CLYBL: variants seen among roughly 807,000 people sequenced by gnomAD.
CLYBL encodes the protein citramalyl-CoA lyase, also known as citramalyl-CoA lyase, mitochondrial.
In CLYBL, 31 loss-of-function variants were observed where a neutral mutation model predicts 38.9. The observed-to-expected ratio is 0.80, with a 90% CI of 0.60 to 1.08. The LOEUF (loss-of-function observed/expected upper bound fraction) is 1.08, where lower values mean the gene tolerates loss of function less well. Ranked by LOEUF, CLYBL falls within the 50% of genes least tolerant of loss-of-function variation. The probability of loss-of-function intolerance (pLI) is 0.00; values close to 1 mark genes in which losing one functional copy is unlikely to be tolerated. For synonymous variants in CLYBL, 171 were observed against 158.6 expected, an observed-to-expected ratio of 1.08 and a Z score of -0.59; for missense variants, 434 against 411.6, an observed-to-expected ratio of 1.05 and a Z score of -0.47.
At chr13:99,759,435 A>G (rs2049125554) in intron 1 of CLYBL, among the ~76,000 whole-genome samples, 1 of 152,166 alleles carries the variant, frequency 6.6e-6, no homozygotes, top group African/African-American at 2.4e-5. Context: ...TTCCACAAGA[A>G]GAACAGGGAC....
intron 1 of CLYBL, among the ~76,000 whole-genome samples, chr13:99,749,432 A>G (rs557861479): frequency 8.5e-5 from 13 of 152,254 alleles, no homozygotes; most frequent in African/African-American, 2.4e-4. Flanking sequence ...AGGGTAGACC[A>G]GGAGGGCCGT....
At chr13:99,787,701 A>T (rs1263320953) in intron 2 of CLYBL, among the ~76,000 whole-genome samples, 1 of 152,158 alleles carries the variant, frequency 6.6e-6, no homozygotes, top group Non-Finnish European at 1.5e-5. Context: ...TTGGTTCCAT[A>T]TGAACTTTAA....
At chr13:99,907,013 T>C (rs916901722) in intron 9 of CLYBL, among the ~76,000 whole-genome samples, 2 of 152,254 alleles carry the variant, frequency 1.3e-5, no homozygotes, top group Non-Finnish European at 2.9e-5. Context: ...TACTACTTTA[T>C]TCACAGTTGC....
chr13:99,836,201 T>C (rs2050930366), intron 2 of CLYBL, among the ~76,000 whole-genome samples: 2 of 151,948 alleles, frequency 1.3e-5, no homozygotes, highest in South Asian at 2.1e-4. Flanking sequence ...AGTCAGACAG[T>C]GTGGACTCTG....
intron 1 of CLYBL, among the ~76,000 whole-genome samples, chr13:99,765,844 C>T (rs956072891): frequency 3.7e-4 from 54 of 146,930 alleles, no homozygotes; most frequent in Non-Finnish European, 6.0e-4. Context: ...TGCACCAAGT[C>T]GAGTCTTTTT....
intron 1 of CLYBL, among the ~76,000 whole-genome samples, chr13:99,640,503 T>G (rs2139265345): frequency 6.6e-6 from 1 of 152,374 alleles, no homozygotes; most frequent in Non-Finnish European, 1.5e-5. Context: ...ATGTGGTTTT[T>G]CCCTGTAGTG....
intron 2 of CLYBL, among the ~76,000 whole-genome samples, chr13:99,842,836 G>A (rs1054763129): frequency 1.3e-5 from 2 of 152,140 alleles, no homozygotes; most frequent in African/African-American, 2.4e-5. Flanking sequence ...GAGCCCAGGA[G>A]TTTGAGGCAG....
At chr13:99,769,929 G>T (rs1233034680) in intron 1 of CLYBL, among the ~76,000 whole-genome samples, 1 of 152,116 alleles carries the variant, frequency 6.6e-6, no homozygotes, top group Non-Finnish European at 1.5e-5. Context: ...TTACAACCGT[G>T]CAAAGTATTT....
At chr13:99,646,347 C>A (rs2047175712) in intron 1 of CLYBL, among the ~76,000 whole-genome samples, 1 of 151,840 alleles carries the variant, frequency 6.6e-6, no homozygotes. Context: ...AGAAGGGTTG[C>A]TGAAGGATGG....
At chr13:99,782,847 A>G (rs2049688057) in intron 2 of CLYBL, among the ~76,000 whole-genome samples, 1 of 152,002 alleles carries the variant, frequency 6.6e-6, no homozygotes, top group Non-Finnish European at 1.5e-5. Flanking sequence ...TCTTTCCTTC[A>G]GAGATGCTGA....
chr13:99,758,176 G>C (rs986589186), intron 1 of CLYBL, among the ~76,000 whole-genome samples: 1 of 152,196 alleles, frequency 6.6e-6, no homozygotes, highest in African/African-American at 2.4e-5. Flanking sequence ...AAGCTCCCCA[G>C]GTGACTATTA....
chr13:99,648,472 G>A (rs2047207716), intron 1 of CLYBL, among the ~76,000 whole-genome samples: 1 of 152,140 alleles, frequency 6.6e-6, no homozygotes, highest in East Asian at 1.9e-4. Flanking sequence ...TGCTAGCCCT[G>A]GTTTTTTGTG....
At chr13:99,701,582 A>G (rs1472146410) in intron 1 of CLYBL, among the ~76,000 whole-genome samples, 1 of 151,812 alleles carries the variant, frequency 6.6e-6, no homozygotes, top group African/African-American at 2.4e-5. Flanking sequence ...AAGTGCTGGG[A>G]TTACAGGCGT....
intron 1 of CLYBL, among the ~76,000 whole-genome samples, chr13:99,654,879 C>T (rs2047307098): frequency 6.6e-6 from 1 of 151,848 alleles, no homozygotes; most frequent in Non-Finnish European, 1.5e-5. Context: ...GTGGCGGGCG[C>T]CTGTAGTCCC....
chr13:99,893,610 C>T (rs887236359), downstream of CLYBL: 3 of 152,400 alleles, frequency 2.0e-5, no homozygotes, highest in African/African-American at 7.2e-5. Context: ...CAGCCTAATC[C>T]AAAGAAGCCC....
intron 1 of CLYBL, among the ~76,000 whole-genome samples, chr13:99,654,506 A>G (rs953620395): frequency 6.6e-6 from 1 of 152,186 alleles, no homozygotes; most frequent in South Asian, 2.1e-4. Flanking sequence ...TTCCCAGCAT[A>G]TTATGCTGCT....
In CLYBL at chr13:99,800,603, G is replaced by T. The variant is rs1313406725; in HGVS notation, c.249+27593G>T. 5.9e-5 allele frequency among the ~76,000 whole-genome samples: 9 copies of T among 152,180 alleles called. No homozygotes were observed. The East Asian group carries it at 1.7e-3, about 29-fold the overall frequency. The stretch of plus-strand genomic sequence containing the variant: ...AGACATAATTGTTTGGCCGGGTTTG[G>T]TAGCTCACGCCTGTAATCCCAGCAC... On this transcript the variant is annotated intron_variant, in intron 2 of 8. Transcript: ENST00000339105.
intron 2 of CLYBL, 75 bp from the exon 3 acceptor site, chr13:99,858,786 C>T (rs1594227356): frequency 7.1e-6 from 7 of 989,300 alleles, no homozygotes; most frequent in East Asian, 2.6e-5. Context: ...ATCCACATAA[C>T]AGTTTCATCA....
intron 1 of CLYBL, among the ~76,000 whole-genome samples, chr13:99,692,240 A>G (rs1163931954): frequency 6.6e-6 from 1 of 150,906 alleles, no homozygotes; most frequent in Non-Finnish European, 1.5e-5. Context: ...TTGTCGCTTT[A>G]TTGAGACATA....
Sources: allele counts gnomAD v4.1 joint callset (sites outside exome capture counted in the v4.1 genomes callset), GRCh38; gene constraint gnomAD v4.1.1; transcripts MANE v1.5; gene names NCBI Gene and HGNC (gene_info 2026-07-23, HGNC 2026-07-21).